ZNF609: variants seen among roughly 807,000 people sequenced by gnomAD.
ZNF609 encodes zinc finger protein 609.
ZNF609 carries 11 observed loss-of-function variants against 109.5 expected under a neutral mutation model. The ratio of observed to expected loss-of-function variants is 0.10; its 90% CI spans 0.06 to 0.17. The LOEUF is 0.17. ZNF609 is among the 10% of genes least tolerant of loss of function. ZNF609 has a pLI of 1.00. For missense variants in ZNF609, 1,559 were observed against 1,772.4 expected, an observed-to-expected ratio of 0.88 and a Z score of 2.16; for synonymous variants, 646 against 662.0, an observed-to-expected ratio of 0.98 and a Z score of 0.37.
At chr15:64,503,615 C>G (rs1434846813) in intron 2 of ZNF609, among the ~76,000 whole-genome samples, 1 of 152,082 alleles carries the variant, frequency 6.6e-6, no homozygotes, top group Admixed American at 6.5e-5. Flanking sequence ...CTTCTTTTCC[C>G]CCAAATCATA....
intron 2 of ZNF609, among the ~76,000 whole-genome samples, chr15:64,586,099 C>T (rs978316515): frequency 2.6e-5 from 4 of 151,998 alleles, no homozygotes; most frequent in South Asian, 2.1e-4. Context: ...CTGAGGAGGG[C>T]GGATCACCTG....
intron 2 of ZNF609, among the ~76,000 whole-genome samples, chr15:64,546,536 G>A (rs112554153): frequency 1.3e-5 from 2 of 148,890 alleles, no homozygotes; most frequent in Admixed American, 6.7e-5. Flanking sequence ...GCGGTGGTGC[G>A]ATCAGGGCTC....
At chr15:64,468,205 C>T (rs1893040999) in intron 1 of ZNF609, among the ~76,000 whole-genome samples, 1 of 150,582 alleles carries the variant, frequency 6.6e-6, no homozygotes, top group South Asian at 2.1e-4. Flanking sequence ...TCCCTCCCTC[C>T]CCTTCCTCTC....
chr15:64,502,781 T>G lies in ZNF609; in HGVS notation c.747+2615T>G, dbSNP rs1893579555. ...ATGAGGAAGATTTGAATATTGAAAT[T>G]ACTGGCTGGGCCTGGTGATTCATGC... On this transcript the variant is annotated intron_variant, in intron 2 of 9. Transcript: ENST00000326648. The G allele has an allele frequency of 2.0e-5, 3 of 152,308 alleles. No individual in the cohort carries two copies. In the South Asian group the frequency reaches 6.2e-4, roughly 32 times the overall value. 9.4% of individuals were successfully genotyped at this position (152,308 alleles called of 1,614,324 possible).
At chr15:64,524,585 G>T (rs1304003146) in intron 2 of ZNF609, among the ~76,000 whole-genome samples, 1 of 151,232 alleles carries the variant, frequency 6.6e-6, no homozygotes, top group South Asian at 2.1e-4. Context: ...AAAAGGGGGG[G>T]GCCTTTTGTG....
chr15:64,586,502 G>C (rs1358875271), intron 2 of ZNF609, among the ~76,000 whole-genome samples: 2 of 152,134 alleles, frequency 1.3e-5, no homozygotes, highest in Non-Finnish European at 2.9e-5. Context: ...CCTCCTGTCA[G>C]ATCAGCATTA....
intron 1 of ZNF609, among the ~76,000 whole-genome samples, chr15:64,462,813 A>G (rs965684047): frequency 2.0e-5 from 3 of 152,220 alleles, no homozygotes; most frequent in Non-Finnish European, 4.4e-5. Context: ...GTATTAAGAA[A>G]TTTGCCAAAG....
At chr15:64,647,745 C>G (rs1896356233) in intron 3 of ZNF609, among the ~76,000 whole-genome samples, 1 of 152,148 alleles carries the variant, frequency 6.6e-6, no homozygotes, top group African/African-American at 2.4e-5. Flanking sequence ...TCTAGCTCTT[C>G]AAGAGCTGAG....
At chr15:64,651,521 C>T (rs1896415439) in intron 3 of ZNF609, among the ~76,000 whole-genome samples, 1 of 152,186 alleles carries the variant, frequency 6.6e-6, no homozygotes, top group African/African-American at 2.4e-5. Context: ...AACTCTTGTT[C>T]AGTTTGATTA....
intron 1 of ZNF609, among the ~76,000 whole-genome samples, chr15:64,482,191 AATTTCCACT>A (rs1240021975): frequency 6.6e-6 from 1 of 152,202 alleles, no homozygotes; most frequent in Non-Finnish European, 1.5e-5. Flanking sequence ...AACATTAGAG[AATTTCCACT>A]ATTTCTTTCC....
At chr15:64,512,970 A>G (rs181037527) in intron 2 of ZNF609, among the ~76,000 whole-genome samples, 56 of 152,262 alleles carry the variant, frequency 3.7e-4, no homozygotes, top group African/African-American at 1.3e-3. Context: ...ACATTGTGGT[A>G]TGTCAAATTT....
chr15:64,669,472 T>C (rs1420638926), intron 3 of ZNF609, among the ~76,000 whole-genome samples: 4 of 152,202 alleles, frequency 2.6e-5, no homozygotes, highest in Admixed American at 2.6e-4. Flanking sequence ...CATATTTGCA[T>C]ATATACATAT....
At chr15:64,556,233 C>G (rs963742987) in intron 2 of ZNF609, among the ~76,000 whole-genome samples, 1 of 151,838 alleles carries the variant, frequency 6.6e-6, no homozygotes, top group Non-Finnish European at 1.5e-5. Flanking sequence ...TGGGCTCAAA[C>G]AGTCCTCTTG....
chr15:64,486,221 T>A (rs1203213817), intron 1 of ZNF609, among the ~76,000 whole-genome samples: 1 of 152,190 alleles, frequency 6.6e-6, no homozygotes, highest in Admixed American at 6.5e-5. Flanking sequence ...TTTCCTAAAA[T>A]TATTTAAAGT....
chr15:64,546,789 CTTTTT>C (rs1206513622), intron 2 of ZNF609, among the ~76,000 whole-genome samples: 3 of 122,560 alleles, frequency 2.4e-5, no homozygotes, highest in African/African-American at 3.4e-5. Flanking sequence ...TTTCATGTTT[CTTTTT>C]TTTTTTTTTT....
intron 2 of ZNF609, among the ~76,000 whole-genome samples, chr15:64,582,689 A>G (rs1478420889): frequency 8.0e-6 from 1 of 124,784 alleles, no homozygotes; most frequent in South Asian, 2.5e-4. Context: ...ACATTTCCCT[A>G]TCCATTCACT....
intron 2 of ZNF609, among the ~76,000 whole-genome samples, chr15:64,530,624 C>G (rs1894046911): frequency 6.6e-6 from 1 of 152,162 alleles, no homozygotes; most frequent in African/African-American, 2.4e-5. Context: ...CCATTCTTAG[C>G]ATCTTAAGGG....
chr15:64,546,145 T>G (rs1894355202), intron 2 of ZNF609, among the ~76,000 whole-genome samples: 1 of 152,238 alleles, frequency 6.6e-6, no homozygotes, highest in African/African-American at 2.4e-5. Flanking sequence ...TTCTAGTTGC[T>G]GCAAATCCTT....
chr15:64,533,057 CTTT>C (rs796998997), intron 2 of ZNF609, among the ~76,000 whole-genome samples: 1 of 144,282 alleles, frequency 6.9e-6, no homozygotes. Flanking sequence ...ATAATTGCTG[CTTT>C]TTTTTTTTTG....
Sources: allele counts gnomAD v4.1 joint callset (sites outside exome capture counted in the v4.1 genomes callset), GRCh38; gene constraint gnomAD v4.1.1; transcripts MANE v1.5; gene names NCBI Gene and HGNC (gene_info 2026-07-23, HGNC 2026-07-21).